The following PPFIA4 variants were observed in gnomAD, a reference collection of about 807,000 sequenced individuals.
PPFIA4 encodes the protein PPFI scaffold protein A4, also known as liprin-alpha-4.
Under a neutral mutation model 145.7 loss-of-function variants are expected in PPFIA4, and 98 were observed. The observed-to-expected ratio is 0.67, with a 90% CI of 0.57 to 0.80. PPFIA4 has a LOEUF of 0.80. Among genes scored for constraint, PPFIA4 ranks in the 30% least tolerant of loss-of-function variants. The probability of loss-of-function intolerance (pLI) is 0.00; values close to 1 mark genes in which losing one functional copy is unlikely to be tolerated. For missense variants in PPFIA4, 1,457 were observed against 1,632.7 expected, an observed-to-expected ratio of 0.89 and a Z score of 1.85; for synonymous variants, 628 against 649.6, an observed-to-expected ratio of 0.97 and a Z score of 0.51.
intron 4 of PPFIA4, 54 bp from the exon 5 acceptor site, chr1:203,044,325 C>T: frequency 6.7e-7 from 1 of 1,499,566 alleles, no homozygotes. Flanking sequence ...TCTCTTCCAG[C>T]CTGACTCAAG....
chr1:203,053,484 G>C (rs1017294583), intron 14 of PPFIA4, among the ~76,000 whole-genome samples: 14 of 149,990 alleles, frequency 9.3e-5, no homozygotes, highest in African/African-American at 3.5e-4. Flanking sequence ...AGTGAGCCGA[G>C]ATCACGCCAC....
intron 20 of PPFIA4, 51 bp downstream of exon 20, chr1:203,059,322 A>T: frequency 7.2e-7 from 1 of 1,393,074 alleles, no homozygotes; most frequent in Non-Finnish European, 1.0e-6. Context: ...CCCCCTACCC[A>T]CTTCCCTTCC....
At chr1:203,044,602 A>AT (rs1471724483) in intron 5 of PPFIA4, 94 bp from the exon 6 acceptor site, 3 of 1,413,872 alleles carry the variant, frequency 2.1e-6, no homozygotes, top group Non-Finnish European at 9.5e-7. Flanking sequence ...TCTAGGAGAC[A>AT]TTTTTTAACT....
chr1:203,048,572 C>T lies in PPFIA4; in HGVS notation c.1225-11C>T, dbSNP rs558464866. On this transcript the variant is annotated splice_polypyrimidine_tract_variant and intron_variant, in intron 10 of 29. Coordinates refer to ENST00000295706, the MANE Select transcript of PPFIA4 (RefSeq NM_001304331.2). This position sits in a 1 kb window ranked among gnomAD's most constrained non-coding sequence, Gnocchi z 5.8. ...GGAGGGCGGCCTGGTGCGAGGCAGA[C>T]GGCTGTGCAGGTGCGCCAGCGGGAA... 1.2e-4 allele frequency: 195 copies of T among 1,571,364 alleles called. 1 individual carries two copies. Among genetic ancestry groups the T allele is most frequent in the East Asian group, 8.7e-4 (37 of 42,320 alleles).
rs753387627 is a variant in PPFIA4, at chr1:203,075,527, A to G, written c.3394-50A>G. Reference sequence around the variant, plus strand: ...GGCCCCCTCCAGGCAGGGCGTGAGGATGGCAATTCCAACAGGGCCCTCGGG... The same window carrying G: ...GGCCCCCTCCAGGCAGGGCGTGAGGGTGGCAATTCCAACAGGGCCCTCGGG... On this transcript the variant is annotated intron_variant, in intron 28 of 29. Transcript: ENST00000295706. The surrounding 1 kb of genome is among the most constrained non-coding windows in gnomAD (Gnocchi z 4.1). The G allele has an allele frequency of 5.2e-6, 7 of 1,345,664 alleles. No homozygotes were observed. In the African/African-American group the frequency reaches 1.1e-4, roughly 20 times the overall value. 83.4% of individuals were successfully genotyped at this position (1,345,664 alleles called of 1,614,324 possible).
chr1:203,076,270 C>A (rs1379735028), intron 29 of PPFIA4, 71 bp from the exon 30 acceptor site: 9 of 1,513,432 alleles, frequency 5.9e-6, no homozygotes, highest in Non-Finnish European at 8.2e-6. Flanking sequence ...TCGCACACAT[C>A]CTACAACCTC....
chr1:203,073,980 C>T (rs1162798792), intron 28 of PPFIA4, among the ~76,000 whole-genome samples: 1 of 152,134 alleles, frequency 6.6e-6, no homozygotes, highest in Non-Finnish European at 1.5e-5. Flanking sequence ...AATGTGATCC[C>T]AGGCACTGCT....
chr1:203,071,170 ATT>A (rs36050212), intron 27 of PPFIA4, among the ~76,000 whole-genome samples: 26,251 of 116,432 alleles, frequency 0.23, 2,290 homozygotes, highest in Middle Eastern at 0.34. Flanking sequence ...CAAGACTGCT[ATT>A]TTTTTTTTTT....
chr1:203,045,628 C>T, intron 7 of PPFIA4, 69 bp downstream of exon 7: 1 of 1,485,180 alleles, frequency 6.7e-7, no homozygotes, highest in Non-Finnish European at 9.0e-7. Context: ...CAGGCAAAGG[C>T]TCTGGGGCGT....
chr1:203,028,245 T>C (rs882489), intron 1 of PPFIA4, among the ~76,000 whole-genome samples: 113,867 of 152,036 alleles, frequency 0.75, 43,155 homozygotes, highest in Non-Finnish European at 0.79. Context: ...CAGAACCGTG[T>C]GGTGCATGAG....
intron 28 of PPFIA4, among the ~76,000 whole-genome samples, chr1:203,073,643 A>G (rs564088050): frequency 1.3e-5 from 2 of 152,276 alleles, no homozygotes; most frequent in South Asian, 2.1e-4. Context: ...TCAAGCTTCA[A>G]GGCTCTTAAG....
At chr1:203,050,508 C>T (rs1571696668) in intron 13 of PPFIA4, among the ~76,000 whole-genome samples, 1 of 152,148 alleles carries the variant, frequency 6.6e-6, no homozygotes, top group Admixed American at 6.5e-5. Flanking sequence ...ACCAAAGTCT[C>T]TTAGATCAGA....
At chr1:203,064,104 G>T in intron 25 of PPFIA4, 101 bp downstream of exon 25, 3 of 1,335,532 alleles carry the variant, frequency 2.2e-6, no homozygotes, top group South Asian at 2.8e-5. Flanking sequence ...TCTTTCCGTG[G>T]TCTGTTCTGA....
chr1:203,053,891 G>A lies in PPFIA4; in HGVS notation c.1759G>A (p.Gly587Ser), dbSNP rs200908848. 1.1e-4 allele frequency: 167 copies of A among 1,564,432 alleles called. No individual in the cohort carries two copies. In the African/African-American group the frequency reaches 1.3e-3, roughly 13 times the overall value. The change falls in exon 15 of 30, where the codon GGC (glycine) becomes AGC (serine). Residue 587 changes from glycine to serine, a missense_variant. By Grantham distance (56) the Gly-to-Ser change is moderately conservative (BLOSUM62 0). Coordinates refer to ENST00000295706, the MANE Select transcript of PPFIA4 (RefSeq NM_001304331.2). ...CTCTGCGGATGTTGTCTCCCCCAGC[G>A]GCCACTCAGATGCCCAGACCCTGGC... Reference protein sequence around the residue: ...VGSADVVSPSGHSDAQTLAMM... With the variant: ...VGSADVVSPSSHSDAQTLAMM...
intron 1 of PPFIA4, among the ~76,000 whole-genome samples, chr1:203,036,713 G>A (rs1659299654): frequency 6.6e-6 from 1 of 152,238 alleles, no homozygotes; most frequent in Admixed American, 6.5e-5. Flanking sequence ...CAGCATCAGG[G>A]AGATGGCAGC....
At chr1:203,045,126 G>A (rs1366888437) in intron 6 of PPFIA4, among the ~76,000 whole-genome samples, 2 of 152,194 alleles carry the variant, frequency 1.3e-5, no homozygotes, top group African/African-American at 4.8e-5. Flanking sequence ...GGCTGGCATA[G>A]CAGATAAAAC....
At chr1:203,062,839 A>G (rs1007254583) in intron 24 of PPFIA4, 1 of 152,244 alleles carries the variant, frequency 6.6e-6, no homozygotes, top group African/African-American at 2.4e-5. Flanking sequence ...TTACAACCAA[A>G]GGAATAGTCA....
At chr1:203,053,254 C>T (rs745867460) in intron 14 of PPFIA4, among the ~76,000 whole-genome samples, 4 of 149,864 alleles carry the variant, frequency 2.7e-5, no homozygotes, top group Admixed American at 1.3e-4. Flanking sequence ...AGGGGTCAGC[C>T]GGGCACGGTG....
At chr1:203,051,026 G>A (rs1366700712) in intron 13 of PPFIA4, among the ~76,000 whole-genome samples, 1 of 152,074 alleles carries the variant, frequency 6.6e-6, no homozygotes, top group Non-Finnish European at 1.5e-5. Flanking sequence ...ATGGTCTGTT[G>A]TAGGCTCACT....
Sources: gnomAD v4.1 joint callset for allele counts (sites outside exome capture counted in the v4.1 genomes callset) on GRCh38, gnomAD v4.1.1 for gene constraint, Gnocchi (gnomAD v3.1) non-coding constraint, MANE v1.5 for transcripts, NCBI Gene and HGNC (gene_info 2026-07-23, HGNC 2026-07-21) for gene names.